DYNC1I1: variants seen among roughly 807,000 people sequenced by gnomAD.
The protein encoded by DYNC1I1 is dynein cytoplasmic 1 intermediate chain 1.
In DYNC1I1, 43 loss-of-function variants were observed where a neutral mutation model predicts 86.6. The observed-to-expected ratio is 0.50, with a 90% CI of 0.39 to 0.64. The LOEUF is 0.64. Among genes scored for constraint, DYNC1I1 ranks in the 30% least tolerant of loss-of-function variants. The pLI is 0.00. For missense variants in DYNC1I1, 604 were observed against 788.8 expected, an observed-to-expected ratio of 0.77 and a Z score of 2.81; for synonymous variants, 262 against 283.7, an observed-to-expected ratio of 0.92 and a Z score of 0.77.
chr7:95,880,413 CG>C (rs1390496011), intron 6 of DYNC1I1, among the ~76,000 whole-genome samples: 3 of 152,098 alleles, frequency 2.0e-5, no homozygotes, highest in Non-Finnish European at 4.4e-5. Flanking sequence ...ATAAACGACC[CG>C]GGCAGTTTCA....
chr7:95,896,207 G>C (rs1478608059), intron 6 of DYNC1I1, among the ~76,000 whole-genome samples: 1 of 152,140 alleles, frequency 6.6e-6, no homozygotes, highest in Non-Finnish European at 1.5e-5. Context: ...ATCTGCCCAG[G>C]CTTGCTCGGT....
At chr7:96,028,857 C>G (rs1584262035) in intron 11 of DYNC1I1, among the ~76,000 whole-genome samples, 1 of 152,056 alleles carries the variant, frequency 6.6e-6, no homozygotes, top group East Asian at 1.9e-4. Context: ...AAACCATTAC[C>G]CATAATTTAG....
chr7:96,079,019 G>T (rs571083556), intron 15 of DYNC1I1, among the ~76,000 whole-genome samples: 28 of 150,726 alleles, frequency 1.9e-4, no homozygotes, highest in East Asian at 1.2e-3. Context: ...GACTTTTGGG[G>T]TTTTTTTTTG....
At chr7:95,992,753 G>A (rs1262464497) in intron 9 of DYNC1I1, among the ~76,000 whole-genome samples, 1 of 152,008 alleles carries the variant, frequency 6.6e-6, no homozygotes, top group Non-Finnish European at 1.5e-5. Context: ...CCGAGTAGCT[G>A]GGATTACAGG....
At chr7:95,905,895 A>G (rs192820848) in intron 6 of DYNC1I1, among the ~76,000 whole-genome samples, 3 of 152,296 alleles carry the variant, frequency 2.0e-5, no homozygotes, top group Admixed American at 2.0e-4. Flanking sequence ...TCATTTCAAT[A>G]TTAATGATAT....
chr7:96,019,377 C>CT (rs138836687), intron 10 of DYNC1I1, among the ~76,000 whole-genome samples: 85 of 143,268 alleles, frequency 5.9e-4, no homozygotes, highest in Middle Eastern at 3.7e-3. Context: ...TCTCCAAGTG[C>CT]TTTTTTTTTT....
chr7:95,978,124 A>G (rs1329141334), intron 7 of DYNC1I1, among the ~76,000 whole-genome samples: 2 of 152,166 alleles, frequency 1.3e-5, no homozygotes, highest in African/African-American at 4.8e-5. Flanking sequence ...AGGGCTCACT[A>G]TGCCCTTGGC....
intron 5 of DYNC1I1, among the ~76,000 whole-genome samples, chr7:95,837,227 A>C (rs1237592858): frequency 1.4e-5 from 2 of 142,678 alleles, no homozygotes; most frequent in African/African-American, 2.6e-5. Context: ...GTACCCTGCC[A>C]TGTGAGGTGT....
At chr7:96,007,691 G>GA (rs1371569431) in intron 10 of DYNC1I1, among the ~76,000 whole-genome samples, 2 of 151,958 alleles carry the variant, frequency 1.3e-5, no homozygotes, top group Non-Finnish European at 2.9e-5. Context: ...TCAACCCAGC[G>GA]AAAAAACACT....
chr7:95,857,614 C>G (rs1268348686), intron 5 of DYNC1I1, among the ~76,000 whole-genome samples: 1 of 152,156 alleles, frequency 6.6e-6, no homozygotes, highest in Non-Finnish European at 1.5e-5. Flanking sequence ...ATATTGCCCC[C>G]AAGCAAGACT....
At chr7:95,986,762 C>A (rs1269423837) in intron 8 of DYNC1I1, among the ~76,000 whole-genome samples, 1 of 151,670 alleles carries the variant, frequency 6.6e-6, no homozygotes, top group Non-Finnish European at 1.5e-5. Context: ...GAGGCTCTGG[C>A]CTGAACCAGG....
intron 11 of DYNC1I1, among the ~76,000 whole-genome samples, chr7:96,029,143 A>G (rs1794750676): frequency 6.6e-6 from 1 of 152,168 alleles, no homozygotes; most frequent in Non-Finnish European, 1.5e-5. Flanking sequence ...ATGAAAAAGG[A>G]CTGCCAGCTG....
At chr7:96,092,725 G>A (rs1239741908) in intron 16 of DYNC1I1, among the ~76,000 whole-genome samples, 2 of 152,160 alleles carry the variant, frequency 1.3e-5, no homozygotes, top group African/African-American at 4.8e-5. Flanking sequence ...AAGTAGTGGG[G>A]TAGCCTGGGT....
intron 5 of DYNC1I1, among the ~76,000 whole-genome samples, chr7:95,828,551 G>A (rs191031392): frequency 7.1e-4 from 107 of 151,670 alleles, no homozygotes; most frequent in African/African-American, 2.5e-3. Flanking sequence ...TCAGTTTTTG[G>A]GGAACTCACA....
chr7:96,016,042 C>G (rs548226803), intron 10 of DYNC1I1, among the ~76,000 whole-genome samples: 7 of 152,200 alleles, frequency 4.6e-5, no homozygotes, highest in African/African-American at 4.8e-5. Context: ...TAGAAAAAGA[C>G]AAATCTTCAC....
intron 16 of DYNC1I1, among the ~76,000 whole-genome samples, chr7:96,107,405 T>TTATTATTATTA (rs749414579): frequency 2.0e-5 from 3 of 152,020 alleles, no homozygotes; most frequent in Non-Finnish European, 4.4e-5. Context: ...TCTGATAAGT[T>TTATTATTATTA]TATTATTATT....
chr7:95,869,828 C>G lies in DYNC1I1; in HGVS notation c.375-55C>G, dbSNP rs191899121. 12 of 1,502,212 alleles carry G rather than the reference C, an allele frequency of 8.0e-6. No individual in the cohort carries two copies. In the East Asian group the frequency reaches 2.7e-4, roughly 34 times the overall value. The allele number at this position is 1,502,212 out of a possible 1,614,324, so 93.1% of individuals were successfully genotyped here. Reference sequence around the variant, plus strand: ...TAGTGCTTTCTTTTATTACTGATAGCTCTTCTGCAAGGAATGCCTCCCCTC... The same window carrying G: ...TAGTGCTTTCTTTTATTACTGATAGGTCTTCTGCAAGGAATGCCTCCCCTC... On this transcript the variant is annotated intron_variant, in intron 5 of 16. Transcript: ENST00000447467.
intron 1 of DYNC1I1, among the ~76,000 whole-genome samples, chr7:95,791,894 C>T (rs554341728): frequency 3.3e-5 from 5 of 152,268 alleles, no homozygotes; most frequent in Admixed American, 1.3e-4. Flanking sequence ...GACTCTCCCC[C>T]GCCATTCCCT....
chr7:95,840,294 A>G (rs1789245822), intron 5 of DYNC1I1, among the ~76,000 whole-genome samples: 1 of 151,838 alleles, frequency 6.6e-6, no homozygotes, highest in African/African-American at 2.4e-5. Flanking sequence ...CTCTGACTAG[A>G]GGATTTCCAG....
Sources: allele counts gnomAD v4.1 joint callset (sites outside exome capture counted in the v4.1 genomes callset), GRCh38; gene constraint gnomAD v4.1.1; transcripts MANE v1.5; gene names NCBI Gene and HGNC (gene_info 2026-07-23, HGNC 2026-07-21).